The following ZNF644 variants were observed in gnomAD, a reference collection of about 807,000 sequenced individuals.
ZNF644 encodes zinc finger motif enhancer binding protein 2.
In ZNF644, 20 loss-of-function variants were observed where a neutral mutation model predicts 108.0. The observed-to-expected ratio is 0.19, with a 90% CI of 0.13 to 0.27. ZNF644 has a LOEUF of 0.27. ZNF644 is among the 10% of genes least tolerant of loss of function. The probability of loss-of-function intolerance (pLI) is 1.00; values close to 1 mark genes in which losing one functional copy is unlikely to be tolerated. For missense variants in ZNF644, 1,338 were observed against 1,548.9 expected (o/e 0.86, Z 2.29); for synonymous variants, 542 against 539.1 (o/e 1.01, Z -0.08).
intron 2 of ZNF644, among the ~76,000 whole-genome samples, chr1:90,961,109 T>A (rs1346568855): frequency 6.6e-6 from 1 of 152,066 alleles, no homozygotes; most frequent in East Asian, 1.9e-4. Context: ...GGTAAATATG[T>A]AGGTAAATCT....
chr1:90,935,662 TAAG>T (rs1436395804), intron 4 of ZNF644: 1 of 530,636 alleles, frequency 1.9e-6, no homozygotes, highest in South Asian at 8.2e-5. Context: ...TAACTTAAAA[TAAG>T]GAGGGGAAAT....
In ZNF644 at chr1:90,940,920, T is replaced by C. The variant is rs958680222; in HGVS notation, c.434A>G (p.Asp145Gly). The change falls in exon 3 of 6, where the codon GAT (aspartate) becomes GGT (glycine). Residue 145 changes from aspartate (D) to glycine (G), a missense_variant. Around this residue, in one of 6 missense-constraint regions of ZNF644, gnomAD observed 464 missense variants for 457.9 expected, o/e 1.01. Coordinates refer to ENST00000337393, the MANE Select transcript of ZNF644 (RefSeq NM_201269.3). ...SVSLTTGQPV[D>G]QPTTESCSTL... The stretch of plus-strand genomic sequence containing the variant: ...TGAACAAGATTCTGTTGTTGGCTGA[T>C]CCACAGGCTGTCCAGTGGTTAATGA... 1 of 1,614,102 alleles carries C rather than the reference T, an allele frequency of 6.2e-7. No individual in the cohort carries two copies. The highest frequency in any genetic ancestry group is 1.7e-5 in the Admixed American group (1 of 60,010).
At chr1:90,973,669 T>C (rs570898442) in intron 2 of ZNF644, among the ~76,000 whole-genome samples, 1 of 152,138 alleles carries the variant, frequency 6.6e-6, no homozygotes, top group Non-Finnish European at 1.5e-5. Flanking sequence ...AAAACATATA[T>C]ATATATAAGG....
At chr1:91,007,224 TG>T (rs372504171) in intron 1 of ZNF644, among the ~76,000 whole-genome samples, 1,116 of 96,728 alleles carry the variant, frequency 0.012, 43 homozygotes, top group Non-Finnish European at 0.016. Flanking sequence ...TCTCCCATTT[TG>T]TTTTTTTTTT....
At chr1:90,955,202 TGA>T (rs1383349421) in intron 2 of ZNF644, among the ~76,000 whole-genome samples, 2 of 152,216 alleles carry the variant, frequency 1.3e-5, no homozygotes, top group East Asian at 3.9e-4. Flanking sequence ...CTGTAACAGG[TGA>T]ACTGTCATCC....
At chr1:90,924,332 C>T (rs1649784453) in intron 4 of ZNF644, among the ~76,000 whole-genome samples, 2 of 152,134 alleles carry the variant, frequency 1.3e-5, no homozygotes, top group Admixed American at 6.5e-5. Flanking sequence ...TAGCCATCAA[C>T]ATCAACCACT....
chr1:90,983,639 C>T (rs938354404), intron 1 of ZNF644, among the ~76,000 whole-genome samples: 3 of 151,952 alleles, frequency 2.0e-5, no homozygotes, highest in Non-Finnish European at 2.9e-5. Context: ...AGAAGACAAG[C>T]GGAGAGGCCG....
intron 2 of ZNF644, among the ~76,000 whole-genome samples, chr1:90,974,793 GATAGA>G (rs1241485380): frequency 6.6e-6 from 1 of 152,148 alleles, no homozygotes; most frequent in African/African-American, 2.4e-5. Context: ...TGCTAAAACA[GATAGA>G]ATAAAGTCAT....
At chr1:90,919,676 C>T (rs904935348) in intron 4 of ZNF644, among the ~76,000 whole-genome samples, 1 of 151,958 alleles carries the variant, frequency 6.6e-6, no homozygotes, top group African/African-American at 2.4e-5. Context: ...CAAAGCTAAA[C>T]AACCAAACTC....
At chr1:90,975,723 TG>T (rs1305279305) in intron 2 of ZNF644, among the ~76,000 whole-genome samples, 5 of 152,226 alleles carry the variant, frequency 3.3e-5, no homozygotes, top group African/African-American at 1.2e-4. Flanking sequence ...GGATTACAGG[TG>T]TGAGCCACCA....
intron 4 of ZNF644, among the ~76,000 whole-genome samples, chr1:90,926,670 C>T (rs531812292): frequency 2.2e-4 from 33 of 152,266 alleles, no homozygotes; most frequent in African/African-American, 7.9e-4. Context: ...TATAACCATC[C>T]TCCTCCCACT....
Position 90,941,326 on chromosome 1 carries a change from A to C in ZNF644, c.45-17T>G, listed in dbSNP as rs752391979. 6.3e-7 allele frequency: 1 copy of C among 1,592,818 alleles called. No individual in the cohort carries two copies. Among genetic ancestry groups the C allele is most frequent in the Non-Finnish European group, 8.5e-7 (1 of 1,175,106 alleles). On this transcript the variant is annotated splice_polypyrimidine_tract_variant and intron_variant, in intron 2 of 5. Coordinates refer to ENST00000337393, the MANE Select transcript of ZNF644 (RefSeq NM_201269.3). The stretch of plus-strand genomic sequence containing the variant: ...ACATTTAGTCTAGAAAATGGAAAAA[A>C]AAAATTTAGATTTGCATGAAAGAAA...
At chr1:90,945,780 C>A (rs1319915531) in intron 2 of ZNF644, among the ~76,000 whole-genome samples, 2 of 151,996 alleles carry the variant, frequency 1.3e-5, no homozygotes, top group African/African-American at 2.4e-5. Flanking sequence ...TAATTTCATT[C>A]TTTTATGTAC....
intron 2 of ZNF644, chr1:90,973,190 T>C (rs571520463): frequency 6.6e-6 from 1 of 151,754 alleles, no homozygotes; most frequent in African/African-American, 2.4e-5. Flanking sequence ...ATAACAAATA[T>C]GTCTGGGTTT....
chr1:91,007,974 A>C (rs1659609445), intron 1 of ZNF644, among the ~76,000 whole-genome samples: 1 of 152,188 alleles, frequency 6.6e-6, no homozygotes, highest in African/African-American at 2.4e-5. Flanking sequence ...TCTGGGCCAC[A>C]TCTGTTATCA....
chr1:90,978,308 T>G (rs1656206520), intron 2 of ZNF644, among the ~76,000 whole-genome samples: 1 of 149,770 alleles, frequency 6.7e-6, no homozygotes. Flanking sequence ...GCCAAAATAG[T>G]GCCATTGCAC....
At chr1:90,987,675 C>G (rs1021489286) in intron 1 of ZNF644, among the ~76,000 whole-genome samples, 1 of 151,914 alleles carries the variant, frequency 6.6e-6, no homozygotes, top group Non-Finnish European at 1.5e-5. Flanking sequence ...CAAATTCATT[C>G]TATAAGGTCA....
chr1:90,924,447 G>T (rs1486685728), intron 4 of ZNF644, among the ~76,000 whole-genome samples: 1 of 152,020 alleles, frequency 6.6e-6, no homozygotes, highest in East Asian at 1.9e-4. Flanking sequence ...CACAGTCCCT[G>T]CCCTCTAAAA....
intron 1 of ZNF644, among the ~76,000 whole-genome samples, chr1:91,019,695 C>T (rs75377126): frequency 3.3e-5 from 5 of 152,082 alleles, no homozygotes; most frequent in Non-Finnish European, 5.9e-5. Context: ...CTCAGCCTCC[C>T]GAGTAGGTGG....
Sources: allele counts gnomAD v4.1 joint callset (sites outside exome capture counted in the v4.1 genomes callset), GRCh38; gene constraint gnomAD v4.1.1; regional missense constraint gnomAD v4.1.1; transcripts MANE v1.5; gene names NCBI Gene and HGNC (gene_info 2026-07-23, HGNC 2026-07-21).